The following MADD variants were observed in gnomAD, a reference collection of about 807,000 sequenced individuals.
MADD encodes the protein MAP kinase activating death domain, also known as MAP kinase-activating death domain protein.
A neutral mutation model predicts 176.7 loss-of-function variants in MADD; 109 were observed. The observed-to-expected ratio is 0.62, with a 90% CI of 0.53 to 0.72. The LOEUF (loss-of-function observed/expected upper bound fraction) is 0.72. Among genes scored for constraint, MADD ranks in the 30% least tolerant of loss-of-function variants. MADD has a pLI of 0.00. For missense variants in MADD, 1,914 were observed against 2,045.5 expected (o/e 0.94, Z 1.24); for synonymous variants, 771 against 771.3 (o/e 1.00, Z 0.01).
At chr11:47,326,850 G>A in intron 31 of MADD, 43 bp downstream of exon 35, 2 of 1,612,340 alleles carry the variant, frequency 1.2e-6, no homozygotes, top group Non-Finnish European at 1.7e-6. Context: ...TCACATGGCA[G>A]TAACTCAAAC....
chr11:47,299,656 A>C (rs990786483), intron 22 of MADD, among the ~76,000 whole-genome samples: 3 of 96,816 alleles, frequency 3.1e-5, no homozygotes, highest in African/African-American at 1.3e-4. Flanking sequence ...CAGTCTCCCG[A>C]GTAGCTGGGA....
chr11:47,315,798 TAATTA>T (rs1015589654), intron 27 of MADD, among the ~76,000 whole-genome samples: 57 of 150,458 alleles, frequency 3.8e-4, no homozygotes, highest in African/African-American at 1.3e-3. Flanking sequence ...GTTATTCAAA[TAATTA>T]AATTTTATAT....
At chr11:47,307,225 CT>C (rs2083532447) in intron 22 of MADD, among the ~76,000 whole-genome samples, 1 of 152,086 alleles carries the variant, frequency 6.6e-6, no homozygotes, top group African/African-American at 2.4e-5. Flanking sequence ...AAGTGAGCTG[CT>C]TTAATAAGAG....
At chr11:47,283,007 G>A (rs774061324) in intron 10 of MADD, 38 bp downstream of exon 10, 1 of 1,597,632 alleles carries the variant, frequency 6.3e-7, no homozygotes, top group Non-Finnish European at 8.6e-7. Context: ...TTTTAAAGGT[G>A]AGGAGGCTCT....
chr11:47,280,211 G>A (rs978811550), intron 7 of MADD, among the ~76,000 whole-genome samples: 1 of 152,146 alleles, frequency 6.6e-6, no homozygotes, highest in Non-Finnish European at 1.5e-5. Flanking sequence ...TGCCTTATGT[G>A]TTGTACAGGA....
intron 31 of MADD, chr11:47,328,277 T>C: frequency 3.5e-6 from 4 of 1,144,972 alleles, no homozygotes; most frequent in Non-Finnish European, 4.3e-6. Flanking sequence ...GAGAGCTCTC[T>C]CCTCCCAGCC....
intron 7 of MADD, among the ~76,000 whole-genome samples, 154 bp from the exon 8 acceptor site, chr11:47,281,421 C>T (rs901494598): frequency 2.0e-5 from 3 of 152,116 alleles, no homozygotes; most frequent in African/African-American, 7.2e-5. Flanking sequence ...ATGGGTTGGC[C>T]GTGATTTGCA....
intron 23 of MADD, 117 bp from the exon 27 acceptor site, chr11:47,309,164 C>T: frequency 6.4e-7 from 1 of 1,555,254 alleles, no homozygotes; most frequent in Non-Finnish European, 8.8e-7. Flanking sequence ...ATTGTGTTTC[C>T]TTTGCCCTGG....
intron 19 of MADD, 51 bp downstream of exon 20, chr11:47,290,867 T>C: frequency 7.1e-7 from 1 of 1,404,244 alleles, no homozygotes; most frequent in Non-Finnish European, 9.9e-7. Context: ...TTCTTAAATA[T>C]CCCTTTCTCC....
At chr11:47,273,728 G>A (rs1729900202) in intron 1 of MADD, 99 bp from the exon 2 acceptor site, 3 of 550,082 alleles carry the variant, frequency 5.5e-6, no homozygotes, top group South Asian at 2.3e-5. Flanking sequence ...TATGAAAGTG[G>A]AAGACCTTCT....
intron 7 of MADD, among the ~76,000 whole-genome samples, chr11:47,280,325 C>G (rs1592027232): frequency 1.3e-5 from 2 of 152,094 alleles, no homozygotes; most frequent in Non-Finnish European, 2.9e-5. Flanking sequence ...AGTAGTATCT[C>G]TAGATGCTAT....
chr11:47,272,660 A>G (rs1003004763), intron 1 of MADD, among the ~76,000 whole-genome samples: 1 of 152,246 alleles, frequency 6.6e-6, no homozygotes, highest in Non-Finnish European at 1.5e-5. Flanking sequence ...TATTTAGAGA[A>G]GTGTATAGAC....
At chr11:47,318,959 C>A (rs1302552621) in intron 27 of MADD, among the ~76,000 whole-genome samples, 1 of 150,680 alleles carries the variant, frequency 6.6e-6, no homozygotes, top group African/African-American at 2.4e-5. Context: ...AGGCACATGC[C>A]ATCATGTCTG....
At chr11:47,279,352 T>A (rs894705165) in intron 7 of MADD, among the ~76,000 whole-genome samples, 12 of 151,784 alleles carry the variant, frequency 7.9e-5, no homozygotes, top group South Asian at 4.2e-4. Flanking sequence ...TGTGTGCCAC[T>A]CTCTATGGCT....
chr11:47,295,830 C>G, intron 21 of MADD, 67 bp from the exon 24 acceptor site: 9 of 1,556,446 alleles, frequency 5.8e-6, no homozygotes, highest in Non-Finnish European at 6.9e-6. Flanking sequence ...GCAGGGAGCT[C>G]TAACAGCTTG....
intron 22 of MADD, among the ~76,000 whole-genome samples, chr11:47,303,311 G>A (rs4752978): frequency 0.27 from 38,947 of 143,362 alleles, 6,113 homozygotes; most frequent in East Asian, 0.6. Context: ...GTGCAATCTC[G>A]GCTCACTGCA....
chr11:47,327,641 C>T, intron 31 of MADD: 2 of 985,432 alleles, frequency 2.0e-6, no homozygotes, highest in Non-Finnish European at 2.4e-6. Context: ...TCCCTTCTCT[C>T]TTCTGTCAGA....
chr11:47,327,785 A>G (rs2095617699), intron 31 of MADD: 2 of 985,306 alleles, frequency 2.0e-6, no homozygotes, highest in Non-Finnish European at 2.4e-6. Flanking sequence ...GGTACGGCCA[A>G]TTCTCCTCCT....
In MADD at chr11:47,275,949, C is replaced by G. The variant is rs1411949325; in HGVS notation, c.710C>G (p.Ser237Ter). 3.7e-6 allele frequency: 6 copies of G among 1,613,980 alleles called. No homozygotes were observed. The highest frequency in any genetic ancestry group is 5.1e-6 in the Non-Finnish European group (6 of 1,179,852). ...GGATCGCTGCTGGTAGAGGAGAAGTCAAGTGCCCTTCTGCATGACCTTCGA... is the reference window on the plus strand; with the variant it reads ...GGATCGCTGCTGGTAGAGGAGAAGTGAAGTGCCCTTCTGCATGACCTTCGA... The change falls in exon 4 of 33, where the codon TCA becomes TGA. Residue 237 changes from serine to a stop codon, truncating the protein, a stop_gained. Coordinates refer to ENST00000402192, the Ensembl canonical transcript of MADD. LOFTEE classifies it high-confidence loss of function.
Sources: allele counts gnomAD v4.1 joint callset (sites outside exome capture counted in the v4.1 genomes callset), GRCh38; gene constraint gnomAD v4.1.1; transcripts MANE v1.5; gene names NCBI Gene and HGNC (gene_info 2026-07-23, HGNC 2026-07-21).